The following SNX24 variants were observed in gnomAD, a reference collection of about 807,000 sequenced individuals.
The protein encoded by SNX24 is sorting nexin-24.
SNX24 carries 22 observed loss-of-function variants against 28.7 expected under a neutral mutation model. The observed-to-expected ratio is 0.77, with a 90% confidence interval of 0.55 to 1.10. The LOEUF (loss-of-function observed/expected upper bound fraction) is 1.10, where lower values mean the gene tolerates loss of function less well. Ranked by LOEUF, SNX24 falls within the 50% of genes least tolerant of loss-of-function variation. The probability of loss-of-function intolerance (pLI) is 0.00; values close to 1 mark genes in which losing one functional copy is unlikely to be tolerated. For missense variants in SNX24, 221 were observed against 201.1 expected (o/e 1.10, Z -0.60); for synonymous variants, 69 against 71.5 (o/e 0.96, Z 0.18).
chr5:123,004,961 C>G (rs913361824), intron 6 of SNX24, among the ~76,000 whole-genome samples: 1 of 152,196 alleles, frequency 6.6e-6, no homozygotes, highest in Non-Finnish European at 1.5e-5. Context: ...CTCATCACCT[C>G]TCAATGAGAA....
At chr5:122,932,976 T>TG (rs766980565) in intron 1 of SNX24, among the ~76,000 whole-genome samples, 518 of 152,070 alleles carry the variant, frequency 3.4e-3, no homozygotes, top group Non-Finnish European at 6.4e-3. Context: ...ACTTAGTACA[T>TG]TAGAGGGGTG....
intron 1 of SNX24, among the ~76,000 whole-genome samples, chr5:122,880,940 C>T (rs1230965771): frequency 1.3e-5 from 2 of 152,210 alleles, no homozygotes; most frequent in Non-Finnish European, 2.9e-5. Flanking sequence ...CACACAATAT[C>T]ATTTGGTTGC....
chr5:122,849,695 A>G (rs557796869), intron 1 of SNX24, among the ~76,000 whole-genome samples: 11 of 152,100 alleles, frequency 7.2e-5, no homozygotes, highest in African/African-American at 2.4e-4. Context: ...TCCTGGGGAG[A>G]TTATTCTGTC....
At chr5:122,908,405 G>A (rs1168585736) in intron 1 of SNX24, among the ~76,000 whole-genome samples, 2 of 152,128 alleles carry the variant, frequency 1.3e-5, no homozygotes, top group South Asian at 2.1e-4. Context: ...TCTCCTTGGG[G>A]TAACTGATTG....
At chr5:122,988,282 A>G (rs990965893) in intron 3 of SNX24, among the ~76,000 whole-genome samples, 6 of 152,184 alleles carry the variant, frequency 3.9e-5, no homozygotes, top group Admixed American at 3.9e-4. Context: ...TACTAGGGAT[A>G]ACCATAGGCA....
At chr5:122,994,509 A>G (rs1198285108) in intron 3 of SNX24, among the ~76,000 whole-genome samples, 1 of 152,244 alleles carries the variant, frequency 6.6e-6, no homozygotes. Flanking sequence ...GGGATGTCAC[A>G]GAAAGAACAT....
intron 3 of SNX24, among the ~76,000 whole-genome samples, chr5:122,985,514 A>T (rs1008853375): frequency 3.9e-5 from 6 of 152,202 alleles, no homozygotes; most frequent in African/African-American, 1.4e-4. Context: ...TATCTACCTC[A>T]AAGGTAGTTG....
chr5:122,883,784 G>A (rs958745892), intron 1 of SNX24, among the ~76,000 whole-genome samples: 1 of 152,024 alleles, frequency 6.6e-6, no homozygotes, highest in Non-Finnish European at 1.5e-5. Context: ...GGAATAGCTG[G>A]GACTGCAGGC....
At chr5:122,932,301 G>A (rs968041732) in intron 1 of SNX24, among the ~76,000 whole-genome samples, 2 of 152,092 alleles carry the variant, frequency 1.3e-5, no homozygotes, top group Non-Finnish European at 2.9e-5. Flanking sequence ...GGGGATTTCT[G>A]GAAAACTCTG....
chr5:122,848,526 A>G (rs1217299539), intron 1 of SNX24, among the ~76,000 whole-genome samples: 1 of 148,248 alleles, frequency 6.7e-6, no homozygotes. Flanking sequence ...AACATGGTGA[A>G]ATCCCATCTC....
intron 1 of SNX24, among the ~76,000 whole-genome samples, chr5:122,881,951 T>A (rs1756500385): frequency 6.6e-6 from 1 of 151,430 alleles, no homozygotes; most frequent in South Asian, 2.1e-4. Context: ...GGTACAAGGA[T>A]TATGAATTTT....
chr5:122,961,109 C>T (rs546125764), intron 3 of SNX24, among the ~76,000 whole-genome samples: 1 of 152,162 alleles, frequency 6.6e-6, no homozygotes, highest in Non-Finnish European at 1.5e-5. Context: ...CCAACTCTGG[C>T]TGAGGATTCT....
intron 2 of SNX24, among the ~76,000 whole-genome samples, chr5:122,941,873 T>C (rs1759465740): frequency 1.3e-5 from 2 of 152,146 alleles, no homozygotes; most frequent in African/African-American, 4.8e-5. Context: ...TAGTACTAGG[T>C]GGGAAGAACA....
At chr5:122,929,536 C>A (rs998184762) in intron 1 of SNX24, among the ~76,000 whole-genome samples, 12 of 151,764 alleles carry the variant, frequency 7.9e-5, no homozygotes, top group Non-Finnish European at 1.5e-4. Context: ...ACGTTCTTTT[C>A]TTATTATTCT....
At chr5:123,020,933 C>T (rs1403152350) in intron 5 of SNX24, among the ~76,000 whole-genome samples, 1 of 152,200 alleles carries the variant, frequency 6.6e-6, no homozygotes, top group Non-Finnish European at 1.5e-5. Context: ...TAGGCCTGAG[C>T]CAGTCACTGG....
chr5:122,974,614 G>A (rs1761093692), intron 3 of SNX24, among the ~76,000 whole-genome samples: 1 of 152,230 alleles, frequency 6.6e-6, no homozygotes, highest in Admixed American at 6.5e-5. Flanking sequence ...GCTGCAGTTG[G>A]AGTTACCACT....
chr5:123,000,075 A>C, intron 4 of SNX24, 69 bp downstream of exon 4: 1 of 1,091,624 alleles, frequency 9.2e-7, no homozygotes, highest in Non-Finnish European at 1.4e-6. Context: ...GATCTAACAA[A>C]TAGCCCAGAG....
chr5:122,913,436 G>T (rs929698583), intron 1 of SNX24, among the ~76,000 whole-genome samples: 1 of 148,826 alleles, frequency 6.7e-6, no homozygotes, highest in Admixed American at 6.7e-5. Flanking sequence ...CTGGCCGGGC[G>T]GGGGGCTGAC....
chr5:122,901,306 A>G lies in SNX24; in HGVS notation c.61-35428A>G, dbSNP rs188119001. Among the ~76,000 whole-genome samples, 6 of 151,698 alleles carry G rather than the reference A, an allele frequency of 4.0e-5. No homozygotes were observed. In the East Asian group the frequency reaches 1.2e-3, roughly 29 times the overall value. On this transcript the variant is annotated intron_variant, in intron 1 of 6. Transcript: ENST00000261369. ...AAATATAGCTTGTTTTCTTTTTATTATTTATTTGTTTCTACTTTATGCATT... is the reference window on the plus strand; with the variant it reads ...AAATATAGCTTGTTTTCTTTTTATTGTTTATTTGTTTCTACTTTATGCATT...
Sources: allele counts gnomAD v4.1 joint callset (sites outside exome capture counted in the v4.1 genomes callset), GRCh38; gene constraint gnomAD v4.1.1; transcripts MANE v1.5; gene names NCBI Gene and HGNC (gene_info 2026-07-23, HGNC 2026-07-21).